The following BTG4 variants were observed in gnomAD, a reference collection of about 807,000 sequenced individuals.
The protein encoded by BTG4 is BTG anti-proliferation factor 4.
BTG4 carries 10 observed loss-of-function variants against 19.3 expected under a neutral mutation model. The observed-to-expected ratio is 0.52, with a 90% CI of 0.32 to 0.88. The LOEUF (loss-of-function observed/expected upper bound fraction) is 0.88. Ranked by LOEUF, BTG4 falls within the 40% of genes least tolerant of loss-of-function variation. The pLI is 0.04. For missense variants in BTG4, 238 were observed against 281.9 expected (o/e 0.84, Z 1.11); for synonymous variants, 91 against 95.7 (o/e 0.95, Z 0.29).
the BTG4 span, among the ~76,000 whole-genome samples, chr11:111,438,216 C>T: frequency 2.0e-5 from 3 of 152,208 alleles, no homozygotes; most frequent in African/African-American, 7.2e-5. Context: ...CACGGGGTCC[C>T]AGAGTCCCTA....
chr11:111,426,348 G>A, the BTG4 span, among the ~76,000 whole-genome samples: 218 of 152,260 alleles, frequency 1.4e-3, no homozygotes, highest in African/African-American at 5.1e-3. Flanking sequence ...CCTGGCAGAA[G>A]ACTCTAGCAC....
chr11:111,498,572 T>G lies in BTG4; in HGVS notation c.173+32A>C, dbSNP rs766703548. ...AGCTGGCTGGTTGCTTGGTGATTGC[T>G]TCCCTTTGCCATCCCACATACTAGC... On this transcript the variant is annotated intron_variant, in intron 2 of 4. Transcript: ENST00000692032. 1.9e-6 allele frequency: 3 copies of G among 1,578,880 alleles called. No homozygotes were observed. In the South Asian group the frequency reaches 3.5e-5, roughly 19 times the overall value.
rs35969929 is a variant in BTG4 at position 111,509,457 on chromosome 11, A to AG, written c.-27+2723dup. On this transcript the variant is annotated intron_variant, in intron 1 of 4. Coordinates refer to ENST00000692032, the MANE Select transcript of BTG4 (RefSeq NM_001367975.1). The stretch of plus-strand genomic sequence containing the variant: ...GTAATGCTAGCACTGTGAGAGGCCA[A>AG]GGGGGGTGCGGTGGATCGCCTGAGG... Among the ~76,000 whole-genome samples, 1,060 of 152,188 alleles carry AG rather than the reference A, an allele frequency of 7.0e-3. 9 individuals are homozygous for AG. The highest frequency in any genetic ancestry group is 0.023 in the African/African-American group (972 of 41,526).
At chr11:111,411,327 G>T in the BTG4 span, among the ~76,000 whole-genome samples, 1 of 151,942 alleles carries the variant, frequency 6.6e-6, no homozygotes, top group Non-Finnish European at 1.5e-5. Flanking sequence ...CCCCCTTGCC[G>T]CTCCTTGAAC....
At chr11:111,461,067 G>A in the BTG4 span, among the ~76,000 whole-genome samples, 419 of 152,312 alleles carry the variant, frequency 2.8e-3, 1 homozygote, top group African/African-American at 9.4e-3. Context: ...ATGGATGGGA[G>A]TGGGGCCAGA....
chr11:111,397,024 T>C, the BTG4 span: 13 of 152,324 alleles, frequency 8.5e-5, no homozygotes, highest in African/African-American at 3.1e-4. Flanking sequence ...GCTGTTTCAT[T>C]CAAAGAAATG....
intron 1 of BTG4, among the ~76,000 whole-genome samples, chr11:111,511,037 A>C (rs1866862836): frequency 6.6e-6 from 1 of 152,222 alleles, no homozygotes; most frequent in Non-Finnish European, 1.5e-5. Flanking sequence ...AATGGAATGA[A>C]GACTATTTTG....
At chr11:111,399,647 G>A in the BTG4 span, among the ~76,000 whole-genome samples, 2 of 152,214 alleles carry the variant, frequency 1.3e-5, no homozygotes, top group African/African-American at 2.4e-5. Context: ...TCCCTCCACA[G>A]TTTTAAGCGG....
chr11:111,408,240 C>T, the BTG4 span, among the ~76,000 whole-genome samples: 6 of 152,344 alleles, frequency 3.9e-5, no homozygotes, highest in South Asian at 1.2e-3. Flanking sequence ...CCCTCTCCTT[C>T]TCATTTATTT....
chr11:111,456,471 GC>G, the BTG4 span: 1 of 454,608 alleles, frequency 2.2e-6, no homozygotes, highest in Non-Finnish European at 4.4e-6. This position sits in a 1 kb window ranked among gnomAD's most constrained non-coding sequence, Gnocchi z 4.2. Context: ...TCTCCCACCG[GC>G]CCCCAGCCCA....
At chr11:111,399,247 C>T in the BTG4 span, 1 of 152,216 alleles carries the variant, frequency 6.6e-6, no homozygotes, top group Admixed American at 6.5e-5. Context: ...CCAAGACTGT[C>T]CAAATGGGCA....
chr11:111,435,171 T>C, the BTG4 span: 1 of 152,296 alleles, frequency 6.6e-6, no homozygotes, highest in African/African-American at 2.4e-5. Context: ...GGTGGTTCTG[T>C]TGGCCAGAGT....
At chr11:111,387,405 T>C in the BTG4 span, among the ~76,000 whole-genome samples, 1 of 152,226 alleles carries the variant, frequency 6.6e-6, no homozygotes, top group African/African-American at 2.4e-5. Context: ...TTAGACATTG[T>C]GACTAGGCAC....
the BTG4 span, among the ~76,000 whole-genome samples, chr11:111,433,785 A>C: frequency 6.6e-6 from 1 of 152,286 alleles, no homozygotes; most frequent in African/African-American, 2.4e-5. Context: ...TATGTAGCCA[A>C]CAGGCATATG....
chr11:111,405,134 G>A, the BTG4 span, among the ~76,000 whole-genome samples: 3 of 152,096 alleles, frequency 2.0e-5, no homozygotes, highest in South Asian at 2.1e-4. Flanking sequence ...GGCCAGGCGC[G>A]GTGGCTCATG....
chr11:111,488,749 G>GA (rs1239251507), intron 5 of BTG4, among the ~76,000 whole-genome samples: 1 of 152,044 alleles, frequency 6.6e-6, no homozygotes, highest in African/African-American at 2.4e-5. Context: ...ACTCAATAGG[G>GA]AAAAAAATTC....
At chr11:111,397,310 A>G in the BTG4 span, among the ~76,000 whole-genome samples, 763 of 152,110 alleles carry the variant, frequency 5.0e-3, 7 homozygotes, top group African/African-American at 0.018. Flanking sequence ...TAAATCCTTC[A>G]TCTAACTTCC....
the BTG4 span, among the ~76,000 whole-genome samples, chr11:111,453,231 C>T: frequency 0.085 from 12,965 of 152,156 alleles, 758 homozygotes; most frequent in Middle Eastern, 0.14. Context: ...GGGTGGAGGA[C>T]AGAGATGGAT....
the BTG4 span, among the ~76,000 whole-genome samples, chr11:111,387,154 T>C: frequency 3.6e-3 from 550 of 152,360 alleles, 4 homozygotes; most frequent in African/African-American, 0.013. Flanking sequence ...TTCTCTTTCA[T>C]ATCTTTGCTC....
Sources: gnomAD v4.1 joint callset for allele counts (sites outside exome capture counted in the v4.1 genomes callset) on GRCh38, gnomAD v4.1.1 for gene constraint, Gnocchi (gnomAD v3.1) non-coding constraint, MANE v1.5 for transcripts, NCBI Gene and HGNC (gene_info 2026-07-23, HGNC 2026-07-21) for gene names.